The following HTT variants were observed in gnomAD, a reference collection of about 807,000 sequenced individuals.
HTT encodes the protein huntingtin.
In HTT, 104 loss-of-function variants were observed where a neutral mutation model predicts 362.3. The observed-to-expected ratio is 0.29, with a 90% CI of 0.24 to 0.34. The LOEUF (loss-of-function observed/expected upper bound fraction) is 0.34. HTT is among the 10% of genes least tolerant of loss of function. HTT has a pLI of 1.00. For missense variants in HTT, 3,301 were observed against 3,928.6 expected, an observed-to-expected ratio of 0.84 and a Z score of 4.27; for synonymous variants, 1,577 against 1,548.7, an observed-to-expected ratio of 1.02 and a Z score of -0.43.
At position 3,238,614 on chromosome 4, in the gene HTT, G is replaced by C; in HGVS notation, c.9054+5G>C. 2 of 1,591,716 alleles carry C rather than the reference G, an allele frequency of 1.3e-6. No homozygotes were observed. Among genetic ancestry groups the C allele is most frequent in the Non-Finnish European group, 1.7e-6 (2 of 1,167,312 alleles). ...ATGGCCACCGTGGTGTATAAGGTGA[G>C]GTTGCATGTGGGATGGGGATGGAGT... On this transcript the variant is annotated splice_donor_5th_base_variant and intron_variant, in intron 65 of 66. Coordinates refer to ENST00000355072, the MANE Select transcript of HTT (RefSeq NM_001388492.1).
At chr4:3,158,638 T>C (rs563514087) in intron 28 of HTT, among the ~76,000 whole-genome samples, 2 of 150,784 alleles carry the variant, frequency 1.3e-5, no homozygotes, top group East Asian at 4.0e-4. Context: ...TAGTTACTTC[T>C]TATGGGTTTT....
intron 39 of HTT, 89 bp downstream of exon 39, chr4:3,187,975 G>A: frequency 1.4e-6 from 1 of 737,460 alleles, no homozygotes; most frequent in South Asian, 1.8e-5. Flanking sequence ...AATAATACCT[G>A]GTCTTGCTTC....
At chr4:3,195,392 G>T (rs1408188091) in intron 40 of HTT, among the ~76,000 whole-genome samples, 1 of 151,914 alleles carries the variant, frequency 6.6e-6, no homozygotes. Flanking sequence ...TGTTTCTCTG[G>T]GTGCAGCCTG....
chr4:3,186,601 A>G lies in HTT; in HGVS notation c.4871A>G (p.His1624Arg). 4 of 1,613,254 alleles carry G rather than the reference A, an allele frequency of 2.5e-6. No homozygotes were observed. Among genetic ancestry groups the G allele is most frequent in the Non-Finnish European group, 2.5e-6 (3 of 1,179,354 alleles). Reference protein sequence around the residue: ...ILPMLAKQQMHIDSHEALGVL... With the variant: ...ILPMLAKQQMRIDSHEALGVL... ...TTGTGGTGTCTAATTCCACAGATGC[A>G]CATTGACTCTCATGAAGCCCTTGGA... is the stretch of plus-strand genomic sequence containing the variant. Residue 1624 changes from histidine to arginine, a missense_variant, in exon 38 of 67, where the codon CAC becomes CGC. Around this residue, in one of 4 missense-constraint regions of HTT, gnomAD observed 2,316 missense variants for 2,658.5 expected, o/e 0.87. Transcript: ENST00000355072.
chr4:3,108,460 C>T (rs77080756), intron 6 of HTT, among the ~76,000 whole-genome samples: 1,709 of 152,290 alleles, frequency 0.011, 42 homozygotes, highest in African/African-American at 0.039. Flanking sequence ...GGAGTAGGTG[C>T]TCCTTTGTGG....
intron 39 of HTT, chr4:3,188,136 G>A: frequency 2.8e-6 from 1 of 361,580 alleles, no homozygotes. Context: ...CTCGCCTCAG[G>A]CAGGGCAGGG....
chr4:3,136,457 ATTC>A, intron 21 of HTT, 131 bp downstream of exon 21: 2 of 467,460 alleles, frequency 4.3e-6, no homozygotes, highest in Non-Finnish European at 7.7e-6. Flanking sequence ...CAGCCATTCT[ATTC>A]TTAAACTATA....
chr4:3,147,935 C>T (rs1716687720), intron 25 of HTT, 70 bp from the exon 26 acceptor site: 3 of 1,281,892 alleles, frequency 2.3e-6, no homozygotes, highest in Non-Finnish European at 2.2e-6. Flanking sequence ...TAAATGACTT[C>T]AGTTCCCCAA....
rs774568682 is a variant in HTT at position 3,177,396 on chromosome 4, A to G, written c.4463+9A>G. On this transcript the variant is annotated intron_variant, in intron 34 of 66. Coordinates refer to ENST00000355072, the MANE Select transcript of HTT (RefSeq NM_001388492.1). ...GAAGTGGGCCAGTTCAGGTAATAGC[A>G]TTTTATTATTTTAGATTTTTTTCTT... The G allele has an allele frequency of 6.5e-7, 1 of 1,547,434 alleles. No homozygotes were observed. The highest frequency in any genetic ancestry group is 1.2e-5 in the South Asian group (1 of 81,714).
At chr4:3,217,996 G>A (rs1187884814) in intron 52 of HTT, 44 bp downstream of exon 52, 3 of 1,516,712 alleles carry the variant, frequency 2.0e-6, no homozygotes, top group Non-Finnish European at 2.7e-6. Context: ...ACGGTGAAAG[G>A]CACCGGTAGG....
rs362304 is a variant in HTT at position 3,240,545 on chromosome 4, C to G, written c.*486C>G. 1 of 170,784 alleles carries G rather than the reference C, an allele frequency of 5.9e-6. No homozygotes were observed. The highest frequency in any genetic ancestry group is 5.6e-5 in the Admixed American group (1 of 17,810). The allele number at this position is 170,784 out of a possible 1,614,324, so 10.6% of individuals were successfully genotyped here. ...TGTCTGGATGCACAGATGCCATGGC[C>G]TGTGCTGGGCCAGTGGCTGGGGGTG... On this transcript the variant is annotated 3_prime_UTR_variant, in exon 67 of 67. Transcript: ENST00000355072.
In HTT at chr4:3,220,312, C is replaced by A; in HGVS notation, c.7369+4C>A. 2 of 1,610,384 alleles carry A rather than the reference C, an allele frequency of 1.2e-6. No homozygotes were observed. Among genetic ancestry groups the A allele is most frequent in the Non-Finnish European group, 1.7e-6 (2 of 1,176,766 alleles). On this transcript the variant is annotated splice_donor_region_variant and intron_variant, in intron 53 of 66. Coordinates refer to ENST00000355072, the MANE Select transcript of HTT (RefSeq NM_001388492.1). Reference sequence around the variant, plus strand: ...ATCTACCGCATCAACACACTAGGTACTCTTGGGGCCTCTCCTTCAGGTCAC... The same window carrying A: ...ATCTACCGCATCAACACACTAGGTAATCTTGGGGCCTCTCCTTCAGGTCAC...
chr4:3,229,053 C>T lies in HTT; in HGVS notation c.8109+44C>T, dbSNP rs766861203. 6.8e-5 allele frequency: 108 copies of T among 1,582,422 alleles called. 1 individual carries two copies. Among genetic ancestry groups the T allele is most frequent in the South Asian group, 4.8e-4 (43 of 89,596 alleles). On this transcript the variant is annotated intron_variant, in intron 59 of 66. Coordinates refer to ENST00000355072, the MANE Select transcript of HTT (RefSeq NM_001388492.1). ...TCCCCTCACACCTGCACGTGCCACA[C>T]GCACCACACACGCCACACACCCCAC...
chr4:3,139,562 C>T (rs990401493), intron 21 of HTT, among the ~76,000 whole-genome samples: 1 of 152,184 alleles, frequency 6.6e-6, no homozygotes, highest in African/African-American at 2.4e-5. Context: ...AGGAAAGAGA[C>T]TTTAATTGAA....
intron 29 of HTT, among the ~76,000 whole-genome samples, chr4:3,168,088 C>G (rs550801448): frequency 6.6e-6 from 1 of 152,152 alleles, no homozygotes; most frequent in Admixed American, 6.5e-5. Context: ...TGCACTTGGC[C>G]CCTGACTGTT....
intron 31 of HTT, chr4:3,173,357 C>T: frequency 1.8e-6 from 1 of 547,690 alleles, no homozygotes; most frequent in Admixed American, 3.1e-5. Flanking sequence ...TTGGGACTTA[C>T]ACATCTCAGA....
At chr4:3,157,324 T>C (rs892304253) in intron 28 of HTT, 125 bp downstream of exon 28, 2 of 912,688 alleles carry the variant, frequency 2.2e-6, no homozygotes, top group Admixed American at 2.7e-5. Flanking sequence ...CATTTAGTTT[T>C]TTCAAGTTTG....
chr4:3,145,133 ATTGT>A lies in HTT; in HGVS notation c.3067-16_3067-13del. 1 of 1,588,890 alleles carries A rather than the reference ATTGT, an allele frequency of 6.3e-7. No homozygotes were observed. ...CTTTGTGGTGTTTGGGTGTGATTTTATTGTTTCTTTCTTCTCAGTTTGGATGCTG... is the reference window on the plus strand; with the variant it reads ...CTTTGTGGTGTTTGGGTGTGATTTTATTCTTTCTTCTCAGTTTGGATGCTG... On this transcript the variant is annotated splice_polypyrimidine_tract_variant and intron_variant, in intron 23 of 66. Coordinates refer to ENST00000355072, the MANE Select transcript of HTT (RefSeq NM_001388492.1).
Position 3,240,181 on chromosome 4 carries a change from G to A in HTT, c.*122G>A, listed in dbSNP as rs1291061602. 1 of 782,458 alleles carries A rather than the reference G, an allele frequency of 1.3e-6. No individual in the cohort carries two copies. Among genetic ancestry groups the A allele is most frequent in the African/African-American group, 1.7e-5 (1 of 57,726 alleles). 48.5% of individuals were successfully genotyped at this position (782,458 alleles called of 1,614,324 possible). On this transcript the variant is annotated 3_prime_UTR_variant, in exon 67 of 67. Transcript: ENST00000355072. ...CTATGGGCTTCCGCACATGCCGCGG[G>A]CGGCCAGGCAACGTGCGTGTCTCTG...
Sources: gnomAD v4.1 joint callset for allele counts (sites outside exome capture counted in the v4.1 genomes callset) on GRCh38, gnomAD v4.1.1 for gene constraint, gnomAD v4.1.1 regional missense constraint, MANE v1.5 for transcripts, NCBI Gene and HGNC (gene_info 2026-07-23, HGNC 2026-07-21) for gene names.